Variants in FRMPD4 observed in about 807,000 individuals in gnomAD.
The protein encoded by FRMPD4 is FERM and PDZ domain-containing protein 4.
Under a neutral mutation model 94.1 loss-of-function variants are expected in FRMPD4, and 22 were observed. The observed-to-expected ratio is 0.23, with a 90% confidence interval of 0.17 to 0.33. FRMPD4 has a LOEUF of 0.33. FRMPD4 is among the 10% of genes least tolerant of loss of function. The pLI is 1.00. For synonymous variants in FRMPD4, 631 were observed against 548.6 expected (o/e 1.15, Z -2.10); for missense variants, 1,111 against 1,339.9 (o/e 0.83, Z 2.67).
intron 3 of FRMPD4, among the ~76,000 whole-genome samples, chrX:12,072,044 A>C (rs1015851116): frequency 4.5e-5 from 5 of 111,017 alleles, no homozygotes; most frequent in Admixed American, 9.6e-5. Flanking sequence ...AGGCTGGCAT[A>C]CAGTGGTGCA....
At chrX:12,064,163 C>T (rs2054904234) in intron 3 of FRMPD4, among the ~76,000 whole-genome samples, 1 of 112,635 alleles carries the variant, frequency 8.9e-6, no homozygotes, top group Non-Finnish European at 1.9e-5. Context: ...TTGTGCATCA[C>T]GGAATTGTTT....
intron 1 of FRMPD4, among the ~76,000 whole-genome samples, chrX:12,402,211 G>A (rs1451429272): frequency 1.8e-5 from 2 of 110,534 alleles, no homozygotes; most frequent in Non-Finnish European, 3.8e-5. Context: ...TTGTAACCCT[G>A]GCTTTCTCTA....
At chrX:12,466,266 G>A (rs968025307) in intron 1 of FRMPD4, among the ~76,000 whole-genome samples, 2 of 111,699 alleles carry the variant, frequency 1.8e-5, no homozygotes, top group Non-Finnish European at 3.8e-5. Flanking sequence ...AAGCTTTTTC[G>A]GTTTATGTTC....
intron 4 of FRMPD4, among the ~76,000 whole-genome samples, chrX:12,653,902 G>C (rs768542782): frequency 8.9e-6 from 1 of 111,818 alleles, no homozygotes; most frequent in South Asian, 3.7e-4. Context: ...CAAGTAGCTG[G>C]GATTACAGGC....
intron 3 of FRMPD4, among the ~76,000 whole-genome samples, chrX:12,057,446 CCTGAGATAT>C (rs199646878): frequency 0.017 from 1,880 of 111,218 alleles, 16 homozygotes; most frequent in Non-Finnish European, 0.025. Flanking sequence ...CTTGTTGGGG[CCTGAGATAT>C]TCTAAGAGAA....
At chrX:11,920,305 C>G (rs1260216408) in intron 3 of FRMPD4, among the ~76,000 whole-genome samples, 3 of 111,972 alleles carry the variant, frequency 2.7e-5, no homozygotes, top group African/African-American at 9.8e-5. Context: ...TGAGTAAACT[C>G]CAGTCAGCTG....
chrX:12,375,328 C>T (rs1169060583), intron 1 of FRMPD4, among the ~76,000 whole-genome samples: 1 of 112,590 alleles, frequency 8.9e-6, no homozygotes, highest in Non-Finnish European at 1.9e-5. Flanking sequence ...GGGCTGGATT[C>T]TCTAAGGGTT....
intron 3 of FRMPD4, among the ~76,000 whole-genome samples, chrX:12,007,949 G>A (rs1198779627): frequency 9.0e-6 from 1 of 111,604 alleles, no homozygotes; most frequent in African/African-American, 3.3e-5. Flanking sequence ...ATGAATGCTA[G>A]GAGGGTAAGG....
chrX:12,660,276 A>G (rs2059701026), intron 4 of FRMPD4, among the ~76,000 whole-genome samples: 1 of 112,248 alleles, frequency 8.9e-6, no homozygotes, highest in African/African-American at 3.2e-5. Flanking sequence ...TATTTACTTG[A>G]CAATGCCATA....
intron 8 of FRMPD4, among the ~76,000 whole-genome samples, chrX:12,690,800 C>A (rs2147118657): frequency 8.9e-6 from 1 of 111,748 alleles, no homozygotes; most frequent in African/African-American, 3.3e-5. Flanking sequence ...TGTGATCTAC[C>A]AATGTGTCCC....
intron 3 of FRMPD4, among the ~76,000 whole-genome samples, chrX:11,897,445 G>T (rs12556653): frequency 0.46 from 50,823 of 110,315 alleles, 8,569 homozygotes; most frequent in Non-Finnish European, 0.52. Flanking sequence ...GAAAAGGGTG[G>T]GGGTATGGCT....
chrX:12,444,634 C>T (rs1199461570), intron 1 of FRMPD4, among the ~76,000 whole-genome samples: 1 of 111,647 alleles, frequency 9.0e-6, no homozygotes, highest in Non-Finnish European at 1.9e-5. Flanking sequence ...TATATTGGCT[C>T]ACAGTTCTGG....
At chrX:12,453,008 G>A (rs2057290694) in intron 1 of FRMPD4, among the ~76,000 whole-genome samples, 1 of 112,032 alleles carries the variant, frequency 8.9e-6, no homozygotes, top group South Asian at 3.7e-4. Flanking sequence ...TGTCCAAAAA[G>A]TGTAATTATA....
At chrX:11,945,370 C>T (rs1481358662) in intron 3 of FRMPD4, among the ~76,000 whole-genome samples, 13 of 111,748 alleles carry the variant, frequency 1.2e-4, no homozygotes, top group Non-Finnish European at 2.4e-4. Flanking sequence ...ATTTTAAGCA[C>T]TTTCCATATA....
intron 1 of FRMPD4, among the ~76,000 whole-genome samples, chrX:12,475,365 G>T (rs2148182936): frequency 8.9e-6 from 1 of 111,815 alleles, no homozygotes; most frequent in South Asian, 3.8e-4. Flanking sequence ...CATACTGAAT[G>T]GGCAAAAACT....
intron 2 of FRMPD4, among the ~76,000 whole-genome samples, chrX:11,871,160 C>T (rs1439293193): frequency 8.9e-6 from 1 of 112,559 alleles, no homozygotes; most frequent in Non-Finnish European, 1.9e-5. Context: ...GAAAGATACC[C>T]TAGCATTCTT....
chrX:12,219,359 T>A (rs1249017655), intron 1 of FRMPD4, among the ~76,000 whole-genome samples: 2 of 110,442 alleles, frequency 1.8e-5, no homozygotes, highest in Non-Finnish European at 3.8e-5. Context: ...ACTAAGACCC[T>A]GTCCCAAAAA....
chrX:12,055,201 T>A, intron 3 of FRMPD4, among the ~76,000 whole-genome samples: 1 of 112,120 alleles, frequency 8.9e-6, no homozygotes, highest in Non-Finnish European at 1.9e-5. Context: ...GTTTGCCTGC[T>A]TTGGGTCGGT....
intron 1 of FRMPD4, among the ~76,000 whole-genome samples, chrX:12,281,236 C>T (rs1434111208): frequency 8.9e-6 from 1 of 111,828 alleles, no homozygotes; most frequent in Non-Finnish European, 1.9e-5. Context: ...TGAAATACCA[C>T]CTTCTTTCTT....
Sources: allele counts gnomAD v4.1 joint callset (sites outside exome capture counted in the v4.1 genomes callset), GRCh38; gene constraint gnomAD v4.1.1; transcripts MANE v1.5; gene names NCBI Gene and HGNC (gene_info 2026-07-23, HGNC 2026-07-21).